OPA3: variants seen among roughly 807,000 people sequenced by gnomAD.
OPA3 encodes the protein optic atrophy 3 protein.
In OPA3, 6 loss-of-function variants were observed where a neutral mutation model predicts 4.0. That is an observed-to-expected ratio of 1.51 (90% confidence interval 0.83 to 2.99). OPA3 has a LOEUF of 2.99. Ranked by LOEUF, OPA3 falls within the 30% of genes most tolerant of loss-of-function variation. The probability of loss-of-function intolerance (pLI) is 0.00; values close to 1 mark genes in which losing one functional copy is unlikely to be tolerated. For synonymous variants in OPA3, 105 were observed against 117.1 expected (o/e 0.90, Z 0.67); for missense variants, 235 against 256.2 (o/e 0.92, Z 0.56).
intron 1 of OPA3, among the ~76,000 whole-genome samples, chr19:45,529,838 C>T (rs1202294326): frequency 6.6e-6 from 1 of 152,164 alleles, no homozygotes; most frequent in Non-Finnish European, 1.5e-5. Flanking sequence ...TCAAGCGATC[C>T]TCCTCCCGCC....
intron 1 of OPA3, among the ~76,000 whole-genome samples, chr19:45,577,896 AG>A (rs1443918848): frequency 6.6e-6 from 1 of 152,222 alleles, no homozygotes; most frequent in Non-Finnish European, 1.5e-5. Context: ...AAACAAGGGC[AG>A]GGATACTATT....
intron 1 of OPA3, among the ~76,000 whole-genome samples, chr19:45,557,725 T>C (rs928504665): frequency 2.6e-5 from 4 of 152,122 alleles, no homozygotes; most frequent in Non-Finnish European, 5.9e-5. Context: ...ACCTCCTGAA[T>C]AGGAGGAATA....
chr19:45,543,608 C>T (rs542190108), downstream of OPA3, among the ~76,000 whole-genome samples: 2 of 152,142 alleles, frequency 1.3e-5, no homozygotes, highest in East Asian at 3.9e-4. Flanking sequence ...TGAGCCACTG[C>T]GCCCAGCTGT....
At chr19:45,529,869 G>A (rs1405221148) in intron 1 of OPA3, among the ~76,000 whole-genome samples, 2 of 151,682 alleles carry the variant, frequency 1.3e-5, no homozygotes, top group Non-Finnish European at 2.9e-5. Flanking sequence ...GAGTAGCTGG[G>A]ACAACGTGTG....
chr19:45,540,674 G>A (rs1969175944), intron 1 of OPA3, among the ~76,000 whole-genome samples: 1 of 151,526 alleles, frequency 6.6e-6, no homozygotes, highest in South Asian at 2.1e-4. Flanking sequence ...GTGGTGACAG[G>A]CGCCTGCAAT....
In OPA3 at chr19:45,536,995, C is replaced by T. The variant is rs185634298; in HGVS notation, c.143-7539G>A. ...GCCTATAAACTGTGCTTTGGAAGGC[C>T]AAGGTGGGAGGATTGCTTCAGAGAA... On this transcript the variant is annotated intron_variant, in intron 1 of 1. Transcript: ENST00000323060. Among the ~76,000 whole-genome samples, 252 of 152,050 alleles carry T rather than the reference C, an allele frequency of 1.7e-3. 1 individual carries two copies. The highest frequency in any genetic ancestry group is 5.9e-3 in the African/African-American group (246 of 41,490).
intron 1 of OPA3, among the ~76,000 whole-genome samples, chr19:45,567,018 C>T (rs1229885679): frequency 1.3e-5 from 2 of 151,886 alleles, no homozygotes; most frequent in Admixed American, 1.3e-4. Flanking sequence ...GAAAAGAATA[C>T]ACTTTTATTA....
In OPA3 at chr19:45,549,700, G is replaced by C. The variant is rs191869562; in HGVS notation, c.*3814C>G. ...TTGCCATGTTGGCCAGGCTGGTCTC[G>C]ATCTCCTAACATCATGTGATCAGTC... On this transcript the variant is annotated 3_prime_UTR_variant, in exon 2 of 2. Transcript: ENST00000263275. 1.0e-6 allele frequency: 1 copy of C among 956,190 alleles called. No individual in the cohort carries two copies. Among genetic ancestry groups the C allele is most frequent in the African/African-American group, 1.8e-5 (1 of 56,416 alleles). The allele number at this position is 956,190 out of a possible 1,614,324, so 59.2% of individuals were successfully genotyped here. A position where few individuals can be genotyped will look rare whatever the true frequency, so the allele number is the denominator to read the frequency against.
chr19:45,584,407 T>C, intron 1 of OPA3: 1 of 985,338 alleles, frequency 1.0e-6, no homozygotes, highest in Non-Finnish European at 1.2e-6. Flanking sequence ...CATTTCCTAC[T>C]CGCGTGGTGG....
chr19:45,548,505 G>C lies in OPA3; in HGVS notation c.*5009C>G. The C allele has an allele frequency of 1.0e-6, 1 of 985,436 alleles. No individual in the cohort carries two copies. Among genetic ancestry groups the C allele is most frequent in the African/African-American group, 1.7e-5 (1 of 57,338 alleles). 61.0% of individuals were successfully genotyped at this position (985,436 alleles called of 1,614,324 possible). ...AGCCCCTGCTTCCTAAACAACTATG[G>C]GGTGGGGCAGGGAACACTGGAAAAG... On this transcript the variant is annotated 3_prime_UTR_variant, in exon 2 of 2. Transcript: ENST00000263275.
At chr19:45,535,874 C>T (rs1016895400) in intron 1 of OPA3, among the ~76,000 whole-genome samples, 1 of 149,940 alleles carries the variant, frequency 6.7e-6, no homozygotes, top group Admixed American at 6.7e-5. Flanking sequence ...AAGAGATTCT[C>T]TCACCTCAGC....
At chr19:45,576,539 C>CT (rs1264599630) in intron 1 of OPA3, among the ~76,000 whole-genome samples, 2 of 123,260 alleles carry the variant, frequency 1.6e-5, no homozygotes, top group South Asian at 3.0e-4. Flanking sequence ...ACTCCATCCC[C>CT]CCCCCCCCAA....
chr19:45,562,020 G>C (rs1232481794), intron 1 of OPA3, among the ~76,000 whole-genome samples: 1 of 151,156 alleles, frequency 6.6e-6, no homozygotes, highest in African/African-American at 2.4e-5. Context: ...TAAAAGATGA[G>C]AAAAAAATTT....
At chr19:45,572,329 CGA>C (rs906775777) in intron 1 of OPA3, among the ~76,000 whole-genome samples, 41 of 126,316 alleles carry the variant, frequency 3.2e-4, no homozygotes, top group African/African-American at 1.1e-3. Flanking sequence ...AGATATATAT[CGA>C]TATATATCTC....
intron 1 of OPA3, among the ~76,000 whole-genome samples, chr19:45,572,812 T>C (rs920788524): frequency 7.0e-6 from 1 of 143,558 alleles, no homozygotes; most frequent in African/African-American, 2.5e-5. Context: ...ATACTATATA[T>C]ATAGATATAT....
chr19:45,575,210 C>T (rs1969748728), intron 1 of OPA3, among the ~76,000 whole-genome samples: 1 of 151,960 alleles, frequency 6.6e-6, no homozygotes, highest in Non-Finnish European at 1.5e-5. Context: ...TCAAGCGATT[C>T]TCCTGCCTCA....
downstream of OPA3, among the ~76,000 whole-genome samples, chr19:45,542,590 T>C (rs28506127): frequency 0.7 from 106,367 of 151,678 alleles, 37,695 homozygotes; most frequent in South Asian, 0.87. Context: ...TATCATTTTA[T>C]GAGACCACTG....
intron 1 of OPA3, among the ~76,000 whole-genome samples, chr19:45,563,948 C>T (rs1969543046): frequency 6.6e-6 from 1 of 151,818 alleles, no homozygotes; most frequent in Non-Finnish European, 1.5e-5. Flanking sequence ...TCTTGGCCTC[C>T]CAAAGTGCTG....
intron 1 of OPA3, among the ~76,000 whole-genome samples, chr19:45,540,497 G>A (rs1410201881): frequency 5.3e-5 from 8 of 149,938 alleles, no homozygotes; most frequent in Non-Finnish European, 8.9e-5. Flanking sequence ...GGAGGTTGAG[G>A]CTGCAGTGAG....
Sources: allele counts gnomAD v4.1 joint callset (sites outside exome capture counted in the v4.1 genomes callset), GRCh38; gene constraint gnomAD v4.1.1; transcripts MANE v1.5; gene names NCBI Gene and HGNC (gene_info 2026-07-23, HGNC 2026-07-21).